Variants in LNPEP observed in about 807,000 individuals in gnomAD.
LNPEP encodes the protein leucyl-cystinyl aminopeptidase.
In LNPEP, 64 loss-of-function variants were observed where a neutral mutation model predicts 120.6. That is an observed-to-expected ratio of 0.53 (90% CI 0.43 to 0.65). LNPEP has a LOEUF of 0.65. LNPEP is among the 30% of genes least tolerant of loss of function. The probability of loss-of-function intolerance (pLI) is 0.00; values close to 1 mark genes in which losing one functional copy is unlikely to be tolerated. For synonymous variants in LNPEP, 435 were observed against 425.4 expected (o/e 1.02, Z -0.28); for missense variants, 1,057 against 1,200.0 (o/e 0.88, Z 1.76).
At chr5:96,995,890 C>T (rs1790504826) in intron 6 of LNPEP, 1 of 154,840 alleles carries the variant, frequency 6.5e-6, no homozygotes, top group African/African-American at 2.4e-5. Context: ...ATACTGTCTT[C>T]AATTTGGGCA....
chr5:97,024,438 A>G (rs909061824), intron 14 of LNPEP, 83 bp from the exon 15 acceptor site: 1 of 1,323,994 alleles, frequency 7.6e-7, no homozygotes, highest in African/African-American at 1.5e-5. Context: ...CCCTCACACC[A>G]GAAACTCCAC....
At chr5:96,990,900 G>A (rs1024826461) in intron 4 of LNPEP, among the ~76,000 whole-genome samples, 1 of 152,124 alleles carries the variant, frequency 6.6e-6, no homozygotes, top group Non-Finnish European at 1.5e-5. Context: ...CTTAGAAATT[G>A]TTGACAGTTT....
rs944314425 is a variant in LNPEP, at chr5:97,033,552, C to G, written c.*5019C>G. 3 of 152,084 alleles carry G rather than the reference C, an allele frequency of 2.0e-5. No individual in the cohort carries two copies. Among genetic ancestry groups the G allele is most frequent in the Admixed American group, 2.0e-4 (3 of 15,270 alleles). The allele number at this position is 152,084 out of a possible 1,614,324, so 9.4% of individuals were successfully genotyped here. On this transcript the variant is annotated 3_prime_UTR_variant, in exon 18 of 18. Transcript: ENST00000231368. ...AGAGGTTTCAAGGTAAGAGTATATA[C>G]TTTAAACATGTATATAAATGTTTTT...
chr5:96,972,553 G>A (rs1394657495), intron 1 of LNPEP, among the ~76,000 whole-genome samples: 3 of 151,952 alleles, frequency 2.0e-5, no homozygotes. Context: ...CCCTCTGCAC[G>A]TGCCCCCCTT....
chr5:97,010,346 T>A, intron 11 of LNPEP: 1 of 983,352 alleles, frequency 1.0e-6, no homozygotes, highest in Non-Finnish European at 1.2e-6. Context: ...GATATGTCAT[T>A]GGAAGAAAAG....
chr5:97,034,802 A>G lies in LNPEP; in HGVS notation c.*6269A>G, dbSNP rs932728255. The G allele has an allele frequency of 6.6e-6, 1 of 152,092 alleles. No homozygotes were observed. Among genetic ancestry groups the G allele is most frequent in the Non-Finnish European group, 1.5e-5 (1 of 67,994 alleles). 9.4% of individuals were successfully genotyped at this position (152,092 alleles called of 1,614,324 possible). A position where few individuals can be genotyped will look rare whatever the true frequency, so the allele number is the denominator to read the frequency against. ...TGGTCCTTTGTATGACCACTTAGGT[A>G]CTTAATAGTAATAAAGTTGAGATTG... On this transcript the variant is annotated 3_prime_UTR_variant, in exon 18 of 18. Transcript: ENST00000231368.
At chr5:96,938,885 A>G (rs1471172809) in intron 1 of LNPEP, among the ~76,000 whole-genome samples, 5 of 151,402 alleles carry the variant, frequency 3.3e-5, no homozygotes, top group Non-Finnish European at 7.4e-5. Flanking sequence ...ATGAAGAGAG[A>G]TGTGCTGGAC....
At chr5:96,938,627 G>A (rs531726849) in intron 1 of LNPEP, among the ~76,000 whole-genome samples, 19 of 152,026 alleles carry the variant, frequency 1.2e-4, no homozygotes, top group Non-Finnish European at 2.6e-4. Flanking sequence ...TATTTTTGTT[G>A]GGCCCTGCTC....
chr5:96,951,589 G>A (rs922825037), intron 1 of LNPEP, among the ~76,000 whole-genome samples: 1 of 152,154 alleles, frequency 6.6e-6, no homozygotes, highest in Non-Finnish European at 1.5e-5. Context: ...TGAATTTGCA[G>A]GGTGTCGGGG....
intron 11 of LNPEP, among the ~76,000 whole-genome samples, chr5:97,009,185 T>C (rs956840480): frequency 9.8e-5 from 15 of 152,300 alleles, no homozygotes; most frequent in African/African-American, 3.6e-4. Context: ...CCTCACTCCC[T>C]CGGCCTACTC....
chr5:97,021,241 AC>A (rs548214247), intron 13 of LNPEP, among the ~76,000 whole-genome samples: 119 of 90,772 alleles, frequency 1.3e-3, no homozygotes, highest in African/African-American at 4.9e-3. Context: ...AACAAGAAAA[AC>A]ATGTGTGCGT....
At chr5:97,001,403 TA>T (rs1014086615) in intron 8 of LNPEP, among the ~76,000 whole-genome samples, 3 of 152,062 alleles carry the variant, frequency 2.0e-5, no homozygotes, top group Admixed American at 6.5e-5. Flanking sequence ...GCTTTAGAAG[TA>T]GGTTTAGGGA....
chr5:97,006,564 T>C (rs367562940), intron 11 of LNPEP, 49 bp downstream of exon 11: 4 of 1,027,246 alleles, frequency 3.9e-6, no homozygotes, highest in African/African-American at 1.6e-5. Flanking sequence ...ATTTTAAAAA[T>C]CTGATCAGAG....
intron 11 of LNPEP, among the ~76,000 whole-genome samples, chr5:97,008,105 C>T (rs1460551717): frequency 6.6e-6 from 1 of 151,966 alleles, no homozygotes; most frequent in African/African-American, 2.4e-5. Context: ...TTGAATGAGC[C>T]GTAAAAGGAT....
At chr5:97,009,343 A>G (rs997162563) in intron 11 of LNPEP, among the ~76,000 whole-genome samples, 1 of 126,198 alleles carries the variant, frequency 7.9e-6, no homozygotes, top group Admixed American at 8.6e-5. Context: ...GTTCACTCAT[A>G]TCTATCCTCA....
chr5:97,004,972 A>T (rs1790744039), intron 9 of LNPEP, among the ~76,000 whole-genome samples: 1 of 152,136 alleles, frequency 6.6e-6, no homozygotes, highest in African/African-American at 2.4e-5. Context: ...AGTTCCTAAC[A>T]TTATCCTCAG....
At chr5:96,987,963 A>G (rs1790281218) in intron 4 of LNPEP, among the ~76,000 whole-genome samples, 3 of 152,324 alleles carry the variant, frequency 2.0e-5, no homozygotes, top group Middle Eastern at 3.4e-3. Flanking sequence ...TACGTTCTCC[A>G]TGAAGCATTT....
At chr5:96,982,084 TA>T (rs1490538450) in intron 2 of LNPEP, among the ~76,000 whole-genome samples, 1 of 152,114 alleles carries the variant, frequency 6.6e-6, no homozygotes, top group Non-Finnish European at 1.5e-5. Flanking sequence ...AGATAGATGT[TA>T]ACATTATATT....
At chr5:96,976,708 T>C (rs999382919) in intron 1 of LNPEP, among the ~76,000 whole-genome samples, 2 of 151,882 alleles carry the variant, frequency 1.3e-5, no homozygotes, top group East Asian at 1.9e-4. Context: ...TTCCCATGTG[T>C]GGTAAAAAAG....
Sources: allele counts gnomAD v4.1 joint callset (sites outside exome capture counted in the v4.1 genomes callset), GRCh38; gene constraint gnomAD v4.1.1; transcripts MANE v1.5; gene names NCBI Gene and HGNC (gene_info 2026-07-23, HGNC 2026-07-21).